The following AOPEP variants were observed in gnomAD, a reference collection of about 807,000 sequenced individuals.
AOPEP encodes aminopeptidase O (putative).
In AOPEP, 77 loss-of-function variants were observed where a neutral mutation model predicts 98.1. The observed-to-expected ratio is 0.78, with a 90% CI of 0.65 to 0.95. AOPEP has a LOEUF of 0.95. AOPEP is among the 40% of genes least tolerant of loss of function. The pLI is 0.00. For synonymous variants in AOPEP, 346 were observed against 365.3 expected, an observed-to-expected ratio of 0.95 and a Z score of 0.60; for missense variants, 1,024 against 1,024.7, an observed-to-expected ratio of 1.00 and a Z score of 0.01.
intron 4 of AOPEP, 31 bp downstream of exon 4, chr9:94,792,949 A>T: frequency 6.5e-7 from 1 of 1,543,182 alleles, no homozygotes; most frequent in Non-Finnish European, 8.8e-7. Flanking sequence ...TGGGAAGGAA[A>T]AAAAAAAAAA....
intron 1 of AOPEP, among the ~76,000 whole-genome samples, chr9:94,727,118 T>G (rs563853661): frequency 6.6e-6 from 1 of 152,242 alleles, no homozygotes; most frequent in East Asian, 2.0e-4. Context: ...AGGGCTCATC[T>G]CCAGTCTTAA....
At chr9:94,844,724 G>A (rs565294303) in intron 5 of AOPEP, among the ~76,000 whole-genome samples, 2 of 152,210 alleles carry the variant, frequency 1.3e-5, no homozygotes, top group South Asian at 4.2e-4. Context: ...TTGACACTGG[G>A]GTACCAGACA....
At chr9:95,042,997 G>T (rs1474292836) in intron 13 of AOPEP, among the ~76,000 whole-genome samples, 3 of 152,040 alleles carry the variant, frequency 2.0e-5, no homozygotes, top group South Asian at 4.2e-4. Flanking sequence ...TTTTGGCAGG[G>T]TGCAGTGGCC....
chr9:94,849,267 A>C (rs1411523885), intron 5 of AOPEP, among the ~76,000 whole-genome samples: 1 of 152,202 alleles, frequency 6.6e-6, no homozygotes, highest in African/African-American at 2.4e-5. Flanking sequence ...GTTTAGTTTT[A>C]AGTGTTTTAC....
chr9:94,814,516 A>G (rs1370648876), intron 5 of AOPEP, among the ~76,000 whole-genome samples: 5 of 152,212 alleles, frequency 3.3e-5, no homozygotes, highest in Non-Finnish European at 1.5e-5. Flanking sequence ...GCATACAAGG[A>G]TGTCATCCAC....
intron 5 of AOPEP, among the ~76,000 whole-genome samples, chr9:94,916,469 C>G (rs1564374349): frequency 6.6e-6 from 1 of 152,056 alleles, no homozygotes; most frequent in Non-Finnish European, 1.5e-5. Context: ...CTTTGGGAGG[C>G]CGAGGCGGGC....
At chr9:95,094,853 A>G in the AOPEP span, among the ~76,000 whole-genome samples, 2 of 152,250 alleles carry the variant, frequency 1.3e-5, no homozygotes, top group South Asian at 2.1e-4. Flanking sequence ...TTCAGTAGAG[A>G]CGGGGTTTCA....
At chr9:94,986,072 G>A (rs1338294656) in intron 11 of AOPEP, among the ~76,000 whole-genome samples, 1 of 152,214 alleles carries the variant, frequency 6.6e-6, no homozygotes, top group Non-Finnish European at 1.5e-5. Context: ...AGACTGGGTG[G>A]CTTAAACAAC....
At chr9:94,803,916 G>T (rs943445686) in intron 5 of AOPEP, among the ~76,000 whole-genome samples, 1 of 152,158 alleles carries the variant, frequency 6.6e-6, no homozygotes, top group East Asian at 1.9e-4. Flanking sequence ...GACTGAATCT[G>T]CCATATCAGG....
chr9:94,751,888 CTTT>C (rs80060505), intron 1 of AOPEP, among the ~76,000 whole-genome samples: 10 of 104,532 alleles, frequency 9.6e-5, no homozygotes, highest in Non-Finnish European at 1.2e-4. Flanking sequence ...CCCATGAAAA[CTTT>C]TTTTTTTTTT....
At chr9:94,941,812 A>G (rs756483217) in intron 7 of AOPEP, among the ~76,000 whole-genome samples, 2 of 152,194 alleles carry the variant, frequency 1.3e-5, no homozygotes, top group Non-Finnish European at 2.9e-5. Flanking sequence ...AATAACATCT[A>G]GTAGGGTCCT....
chr9:95,146,775 C>G, the AOPEP span, among the ~76,000 whole-genome samples: 29 of 151,798 alleles, frequency 1.9e-4, no homozygotes, highest in Non-Finnish European at 3.7e-4. Context: ...TAGTCAGAGG[C>G]CATGCAACAA....
intron 1 of AOPEP, among the ~76,000 whole-genome samples, chr9:94,753,148 A>G (rs1275655478): frequency 6.6e-6 from 1 of 152,182 alleles, no homozygotes; most frequent in Non-Finnish European, 1.5e-5. Context: ...TTCATGACCT[A>G]TAGAATATAA....
intron 4 of AOPEP, among the ~76,000 whole-genome samples, chr9:94,799,098 G>A (rs189124935): frequency 2.6e-5 from 4 of 152,324 alleles, no homozygotes; most frequent in African/African-American, 9.6e-5. Context: ...TAGAAGGTGA[G>A]GCTTATCTGT....
chr9:94,967,027 G>T (rs2059243219), intron 9 of AOPEP, among the ~76,000 whole-genome samples: 1 of 152,138 alleles, frequency 6.6e-6, no homozygotes, highest in Non-Finnish European at 1.5e-5. Context: ...ACAGGAAGAG[G>T]GAAAGTGGAT....
At chr9:95,120,278 C>T in the AOPEP span, among the ~76,000 whole-genome samples, 1 of 152,188 alleles carries the variant, frequency 6.6e-6, no homozygotes, top group African/African-American at 2.4e-5. Context: ...TTCCTTTCCC[C>T]ATTGAATTGT....
intron 5 of AOPEP, among the ~76,000 whole-genome samples, chr9:94,876,731 T>C (rs1297004950): frequency 1.3e-5 from 2 of 151,836 alleles, no homozygotes; most frequent in Non-Finnish European, 1.5e-5. Flanking sequence ...GGCTACCTTT[T>C]AAATTAAGCC....
intron 16 of AOPEP, among the ~76,000 whole-genome samples, chr9:95,084,366 A>C (rs1186001507): frequency 6.6e-6 from 1 of 152,220 alleles, no homozygotes; most frequent in Non-Finnish European, 1.5e-5. Context: ...AAGAGTCAGG[A>C]ACCATGTGTG....
intron 11 of AOPEP, among the ~76,000 whole-genome samples, chr9:94,994,718 G>T (rs2061112654): frequency 6.6e-6 from 1 of 152,162 alleles, no homozygotes; most frequent in Admixed American, 6.5e-5. Context: ...TTGGGAGGCC[G>T]AGGTGGGTGG....
Sources: allele counts gnomAD v4.1 joint callset (sites outside exome capture counted in the v4.1 genomes callset), GRCh38; gene constraint gnomAD v4.1.1; transcripts MANE v1.5; gene names NCBI Gene and HGNC (gene_info 2026-07-23, HGNC 2026-07-21).